The following MCC variants were observed in gnomAD, a reference collection of about 807,000 sequenced individuals.
MCC encodes the protein colorectal mutant cancer protein.
In MCC, 90 loss-of-function variants were observed where a neutral mutation model predicts 116.2. That is an observed-to-expected ratio of 0.77 (90% CI 0.65 to 0.92). The LOEUF (loss-of-function observed/expected upper bound fraction) is 0.92. MCC is among the 40% of genes least tolerant of loss of function. The pLI, the probability that MCC is intolerant of heterozygous loss-of-function variation, is 0.00. For synonymous variants in MCC, 578 were observed against 510.5 expected, an observed-to-expected ratio of 1.13 and a Z score of -1.78; for missense variants, 1,516 against 1,312.2, an observed-to-expected ratio of 1.16 and a Z score of -2.40.
intron 1 of MCC, among the ~76,000 whole-genome samples, chr5:113,480,744 G>A (rs1447879607): frequency 6.6e-6 from 1 of 152,178 alleles, no homozygotes; most frequent in East Asian, 1.9e-4. Flanking sequence ...AAATCAAAAG[G>A]TGATTTGGAA....
chr5:113,327,834 A>G (rs1180162162), intron 3 of MCC, among the ~76,000 whole-genome samples: 1 of 151,264 alleles, frequency 6.6e-6, no homozygotes. Flanking sequence ...AAGCACAATT[A>G]CTTTTGCACC....
chr5:113,125,867 T>G (rs1032206467), intron 5 of MCC, among the ~76,000 whole-genome samples: 7 of 152,176 alleles, frequency 4.6e-5, no homozygotes, highest in African/African-American at 1.7e-4. Context: ...AATAACTTAT[T>G]TCTTTGGGGA....
intron 1 of MCC, among the ~76,000 whole-genome samples, chr5:113,463,009 A>G (rs1771788210): frequency 6.6e-6 from 1 of 152,220 alleles, no homozygotes; most frequent in South Asian, 2.1e-4. Flanking sequence ...AGATAATAAT[A>G]AAAGAAAGAT....
chr5:113,099,585 G>A (rs7701630), intron 8 of MCC, among the ~76,000 whole-genome samples: 16,162 of 152,226 alleles, frequency 0.11, 2,092 homozygotes, highest in African/African-American at 0.31. Flanking sequence ...GTCCCACTTC[G>A]TGGCAGAGTA....
intron 3 of MCC, among the ~76,000 whole-genome samples, chr5:113,163,492 T>C (rs1478116515): frequency 2.2e-5 from 3 of 134,414 alleles, no homozygotes; most frequent in African/African-American, 8.9e-5. Context: ...CCACTTTCTC[T>C]TTCCTCCTTT....
chr5:113,305,383 CCAGA>C (rs1243501075), intron 3 of MCC, among the ~76,000 whole-genome samples: 6 of 152,186 alleles, frequency 3.9e-5, no homozygotes, highest in Admixed American at 1.3e-4. Flanking sequence ...TATGTGACAA[CCAGA>C]CACTCTTGCT....
intron 17 of MCC, among the ~76,000 whole-genome samples, chr5:113,032,373 G>T (rs1374138025): frequency 7.1e-6 from 1 of 140,388 alleles, no homozygotes; most frequent in South Asian, 2.2e-4. Flanking sequence ...GCGCCACTGC[G>T]CTCCAACCTG....
intron 3 of MCC, among the ~76,000 whole-genome samples, chr5:113,166,098 C>T (rs1380401009): frequency 9.9e-5 from 15 of 152,108 alleles, no homozygotes; most frequent in Admixed American, 9.8e-4. Flanking sequence ...GTCTACCATT[C>T]CCCCATCTCC....
intron 3 of MCC, among the ~76,000 whole-genome samples, chr5:113,256,487 A>T (rs1765009113): frequency 6.6e-6 from 1 of 152,218 alleles, no homozygotes; most frequent in South Asian, 2.1e-4. Context: ...AATAAAACAT[A>T]GCTGGAGTGG....
intron 3 of MCC, among the ~76,000 whole-genome samples, chr5:113,263,814 C>T (rs1024878077): frequency 6.6e-6 from 1 of 151,870 alleles, no homozygotes; most frequent in East Asian, 1.9e-4. Flanking sequence ...TCTTGCATTC[C>T]ACACAGATCA....
At chr5:113,048,727 C>T in intron 16 of MCC, 1 of 390,446 alleles carries the variant, frequency 2.6e-6, no homozygotes, top group Non-Finnish European at 4.5e-6. Flanking sequence ...GATCATATCA[C>T]CTGTGGATAA....
intron 6 of MCC, among the ~76,000 whole-genome samples, chr5:113,116,141 T>C (rs1241358251): frequency 6.6e-6 from 1 of 152,182 alleles, no homozygotes; most frequent in Non-Finnish European, 1.5e-5. Flanking sequence ...TCTCCTGCCC[T>C]TGACAGCAAA....
chr5:113,178,595 A>G (rs909510577), intron 3 of MCC, among the ~76,000 whole-genome samples: 17 of 152,300 alleles, frequency 1.1e-4, no homozygotes, highest in African/African-American at 4.1e-4. Flanking sequence ...AGAGATAGCT[A>G]AACTTCTGCC....
At chr5:113,246,887 T>C (rs78130204) in intron 3 of MCC, among the ~76,000 whole-genome samples, 4,678 of 152,224 alleles carry the variant, frequency 0.031, 235 homozygotes, top group African/African-American at 0.11. Context: ...ACCTGAGAAA[T>C]AGATTCTGAG....
At chr5:113,043,432 C>T in intron 17 of MCC, 98 bp downstream of exon 17, 2 of 1,103,116 alleles carry the variant, frequency 1.8e-6, no homozygotes, top group Non-Finnish European at 2.7e-6. Flanking sequence ...AAGTGGAACA[C>T]ATCAGCACCT....
intron 3 of MCC, among the ~76,000 whole-genome samples, chr5:113,186,217 C>G (rs1019946550): frequency 4.6e-5 from 7 of 152,190 alleles, no homozygotes; most frequent in African/African-American, 7.2e-5. Context: ...TCTTTCAGCC[C>G]TGCTTCTCAC....
chr5:113,334,168 T>C (rs1264813829), intron 3 of MCC, among the ~76,000 whole-genome samples: 3 of 148,230 alleles, frequency 2.0e-5, no homozygotes, highest in Admixed American at 6.7e-5. Flanking sequence ...ACTTCTGTTA[T>C]GTTTTATGTT....
intron 11 of MCC, among the ~76,000 whole-genome samples, chr5:113,078,109 G>C (rs1189858390): frequency 6.6e-6 from 1 of 152,120 alleles, no homozygotes; most frequent in Non-Finnish European, 1.5e-5. Flanking sequence ...AACCGGGAAG[G>C]AGTTGAATCC....
chr5:113,123,888 G>C (rs1410672938), intron 5 of MCC, among the ~76,000 whole-genome samples: 1 of 152,184 alleles, frequency 6.6e-6, no homozygotes, highest in Non-Finnish European at 1.5e-5. Flanking sequence ...TTCATTTTAA[G>C]TTGTCAACAA....
Sources: allele counts gnomAD v4.1 joint callset (sites outside exome capture counted in the v4.1 genomes callset), GRCh38; gene constraint gnomAD v4.1.1; transcripts MANE v1.5; gene names NCBI Gene and HGNC (gene_info 2026-07-23, HGNC 2026-07-21).